The following MYH10 variants were observed in gnomAD, a reference collection of about 807,000 sequenced individuals.
MYH10 encodes the protein myosin heavy chain 10.
In MYH10, 55 loss-of-function variants were observed where a neutral mutation model predicts 257.8. The ratio of observed to expected loss-of-function variants is 0.21; its 90% confidence interval spans 0.17 to 0.27. The LOEUF is 0.27. MYH10 is among the 10% of genes least tolerant of loss of function. The probability of loss-of-function intolerance (pLI) is 1.00; values close to 1 mark genes in which losing one functional copy is unlikely to be tolerated. For synonymous variants in MYH10, 854 were observed against 921.7 expected, an observed-to-expected ratio of 0.93 and a Z score of 1.33; for missense variants, 1,631 against 2,500.6, an observed-to-expected ratio of 0.65 and a Z score of 7.42.
intron 17 of MYH10, among the ~76,000 whole-genome samples, chr17:8,522,061 C>T (rs1200994188): frequency 3.9e-5 from 6 of 152,214 alleles, no homozygotes; most frequent in African/African-American, 1.2e-4. Flanking sequence ...ATAAACAGTA[C>T]ACCAGCCACA....
chr17:8,556,886 T>C (rs1450667013), intron 7 of MYH10, among the ~76,000 whole-genome samples: 2 of 152,138 alleles, frequency 1.3e-5, no homozygotes, highest in Admixed American at 1.3e-4. Flanking sequence ...TAGGATGACA[T>C]TCGGATCTGT....
chr17:8,629,761 TG>T (rs1390258479), intron 1 of MYH10, among the ~76,000 whole-genome samples: 3 of 151,994 alleles, frequency 2.0e-5, no homozygotes, highest in African/African-American at 7.2e-5. Context: ...CCGGCCGTCC[TG>T]CTGCAGCGCG....
rs1567753647 is a variant in MYH10, at chr17:8,474,709, A to G, written c.*1095T>C. On this transcript the variant is annotated 3_prime_UTR_variant, in exon 43 of 43. Coordinates refer to ENST00000360416, the MANE Select transcript of MYH10 (RefSeq NM_001256012.3). ...GTAATGTCAGTTTGCTTAACTACCAACCAAAAACAGGATGCTAAGTGTTCA... is the reference window on the plus strand; with the variant it reads ...GTAATGTCAGTTTGCTTAACTACCAGCCAAAAACAGGATGCTAAGTGTTCA... 6.5e-6 allele frequency: 1 copy of G among 152,688 alleles called. No homozygotes were observed. The highest frequency in any genetic ancestry group is 2.4e-5 in the African/African-American group (1 of 41,448). The allele number at this position is 152,688 out of a possible 1,614,324, so 9.5% of individuals were successfully genotyped here. A position where few individuals can be genotyped will look rare whatever the true frequency, so the allele number is the denominator to read the frequency against.
chr17:8,543,480 GT>G (rs11392715), intron 13 of MYH10, among the ~76,000 whole-genome samples: 6 of 140,958 alleles, frequency 4.3e-5, no homozygotes, highest in African/African-American at 1.6e-4. Context: ...TACAAAGAAG[GT>G]TTTTTTTTTT....
intron 7 of MYH10, 58 bp from the exon 8 acceptor site, chr17:8,554,076 CACTAATAA>C: frequency 8.7e-7 from 1 of 1,146,194 alleles, no homozygotes; most frequent in Non-Finnish European, 1.3e-6. Flanking sequence ...TGGATATGAA[CACTAATAA>C]ACTAAGAAGA....
rs538335581 is a variant in MYH10 at position 8,548,913 on chromosome 17, A to C, written c.920-126T>G. The C allele has an allele frequency of 8.0e-5, 56 of 697,740 alleles. No homozygotes were observed. In the African/African-American group the frequency reaches 8.1e-4, roughly 10 times the overall value. The allele number at this position is 697,740 out of a possible 1,614,324, so 43.2% of individuals were successfully genotyped here. On this transcript the variant is annotated intron_variant, in intron 9 of 42. Transcript: ENST00000360416. Reference sequence around the variant, plus strand: ...TCACCATGCAACCCATTGCCAGCAAAATGTTTTTTTTCTTTATATATTCAT... The same window carrying C: ...TCACCATGCAACCCATTGCCAGCAACATGTTTTTTTTCTTTATATATTCAT...
At chr17:8,492,534 A>G in intron 33 of MYH10, 25 bp from the exon 34 acceptor site, 3 of 1,585,762 alleles carry the variant, frequency 1.9e-6, no homozygotes, top group South Asian at 2.3e-5. Context: ...ATGGGGGAAT[A>G]CGAAAAACCG....
chr17:8,478,259 C>T, intron 41 of MYH10, 79 bp downstream of exon 41: 2 of 1,246,092 alleles, frequency 1.6e-6, no homozygotes, highest in Non-Finnish European at 2.3e-6. Flanking sequence ...CTGAATTCCA[C>T]TGGTCAGTTG....
At position 8,490,530 on chromosome 17, in the gene MYH10, T is replaced by G. The variant is rs1413771243; in HGVS notation, c.4694A>C (p.Lys1565Thr). ...CTCCACCTGCTGCTCTAGGGCCCGT[T>G]TGGATTTTTCAAGTTCGTGAACCTA... ...GKNVHELEKS[K>T]RALEQQVEEM... Residue 1565 changes from lysine to threonine, a missense_variant, in exon 35 of 43, where the codon AAA (lysine) becomes ACA (threonine). This residue lies in a region of MYH10 where 463 missense variants were observed against 621.8 expected (regional missense o/e 0.74). Coordinates refer to ENST00000360416, the MANE Select transcript of MYH10 (RefSeq NM_001256012.3). This position sits in a 1 kb window ranked among gnomAD's most constrained non-coding sequence, Gnocchi z 4.1. The G allele has an allele frequency of 2.5e-6, 4 of 1,614,006 alleles. No individual in the cohort carries two copies. Among genetic ancestry groups the G allele is most frequent in the Non-Finnish European group, 3.4e-6 (4 of 1,180,026 alleles).
intron 35 of MYH10, among the ~76,000 whole-genome samples, chr17:8,489,746 C>CCACACACACACACACACACACACA: frequency 6.7e-6 from 1 of 149,558 alleles, no homozygotes; most frequent in African/African-American, 2.5e-5. Flanking sequence ...CACACACACA[C>CCACACACACACACACACACACACA]CCCAAATCCA....
chr17:8,481,228 A>T (rs997140636), intron 38 of MYH10, 94 bp downstream of exon 38: 44 of 1,283,568 alleles, frequency 3.4e-5, no homozygotes, highest in Non-Finnish European at 4.3e-5. Flanking sequence ...GGAGCAAACC[A>T]CCCGCTGATG....
intron 9 of MYH10, among the ~76,000 whole-genome samples, chr17:8,550,021 G>A (rs1342606716): frequency 5.3e-5 from 8 of 150,708 alleles, no homozygotes; most frequent in East Asian, 4.0e-4. Context: ...GTGCAGTGGC[G>A]TGATCTCGGC....
intron 1 of MYH10, among the ~76,000 whole-genome samples, chr17:8,628,912 G>A (rs1209676125): frequency 2.0e-5 from 3 of 152,242 alleles, no homozygotes; most frequent in Non-Finnish European, 2.9e-5. Context: ...AGCCAGGCTC[G>A]CAGGGGTCAC....
chr17:8,605,034 A>G (rs910691741), intron 2 of MYH10, 52 bp from the exon 3 acceptor site: 2 of 989,478 alleles, frequency 2.0e-6, no homozygotes, highest in Non-Finnish European at 2.8e-6. Context: ...GCATTTATCA[A>G]TCAGGGTCCA....
intron 2 of MYH10, among the ~76,000 whole-genome samples, chr17:8,619,030 C>T (rs1029285587): frequency 2.6e-5 from 4 of 152,104 alleles, no homozygotes; most frequent in African/African-American, 9.7e-5. Flanking sequence ...ATGAAAATAG[C>T]ATTCTACTTA....
Position 8,535,394 on chromosome 17 carries a change from C to G in MYH10, c.1887G>C (p.Trp629Cys). Residue 629 changes from tryptophan to cysteine, a missense_variant, in exon 16 of 43, where the codon TGG becomes TGC. By Grantham distance (215) the Trp-to-Cys change is radical. Transcript: ENST00000360416. This position sits in a 1 kb window ranked among gnomAD's most constrained non-coding sequence, Gnocchi z 4.3. The stretch of plus-strand genomic sequence containing the variant: ...AGATAAGCACTTTCTTACCATCTTT[C>G]CAAAGCTCTGCCACAAATCTGTCTG... Reference protein sequence around the residue: ...QSSDRFVAELWKDEIQNIQRA... With the variant: ...QSSDRFVAELCKDEIQNIQRA... 1 of 1,613,186 alleles carries G rather than the reference C, an allele frequency of 6.2e-7. No homozygotes were observed.
chr17:8,550,128 A>G (rs1434033878), intron 9 of MYH10, among the ~76,000 whole-genome samples: 2 of 149,676 alleles, frequency 1.3e-5, no homozygotes, highest in African/African-American at 2.5e-5. Flanking sequence ...GGAAGTGAGG[A>G]GCGTCTCTGC....
In MYH10 at chr17:8,506,698, G is replaced by A. The variant is rs529714610; in HGVS notation, c.3215-209C>T. Among the ~76,000 whole-genome samples the A allele has an allele frequency of 2.8e-4, 43 of 152,128 alleles. 1 individual carries two copies. The highest frequency in any genetic ancestry group is 2.3e-3 in the Admixed American group (35 of 15,280). On this transcript the variant is annotated intron_variant, in intron 26 of 42. Coordinates refer to ENST00000360416, the MANE Select transcript of MYH10 (RefSeq NM_001256012.3). This position sits in a 1 kb window ranked among gnomAD's most constrained non-coding sequence, Gnocchi z 5.0. ...GGGGAGATAAATTAGTGTGGGGAGG[G>A]AATTTTAAGGAAGAAGTTGAGTGTC...
At chr17:8,489,689 G>A (rs928731754) in intron 35 of MYH10, among the ~76,000 whole-genome samples, 1 of 90,426 alleles carries the variant, frequency 1.1e-5, no homozygotes, top group African/African-American at 5.4e-5. Context: ...GGGTGACAGA[G>A]CGAGACTCCG....
Sources: allele counts gnomAD v4.1 joint callset (sites outside exome capture counted in the v4.1 genomes callset), GRCh38; gene constraint gnomAD v4.1.1; regional missense constraint gnomAD v4.1.1; non-coding constraint Gnocchi (gnomAD v3.1); transcripts MANE v1.5; gene names NCBI Gene and HGNC (gene_info 2026-07-23, HGNC 2026-07-21).